The following DLG2 variants were observed in gnomAD, a reference collection of about 807,000 sequenced individuals.
The protein encoded by DLG2 is discs large MAGUK scaffold protein 2, also known as disks large homolog 2.
DLG2 carries 45 observed loss-of-function variants against 132.5 expected under a neutral mutation model. The ratio of observed to expected loss-of-function variants is 0.34; its 90% CI spans 0.27 to 0.44. The LOEUF is 0.44. Among genes scored for constraint, DLG2 ranks in the 20% least tolerant of loss-of-function variants. DLG2 has a pLI of 1.00. For synonymous variants in DLG2, 424 were observed against 419.6 expected, an observed-to-expected ratio of 1.01 and a Z score of -0.13; for missense variants, 1,045 against 1,196.9, an observed-to-expected ratio of 0.87 and a Z score of 1.87.
At chr11:83,509,848 G>C (rs1041236956) in intron 21 of DLG2, among the ~76,000 whole-genome samples, 1 of 152,110 alleles carries the variant, frequency 6.6e-6, no homozygotes, top group Non-Finnish European at 1.5e-5. Flanking sequence ...AGACCTGGGC[G>C]TAAGTTTTGG....
chr11:85,624,195 T>C (rs2081915846), intron 2 of DLG2, among the ~76,000 whole-genome samples: 1 of 152,060 alleles, frequency 6.6e-6, no homozygotes, highest in East Asian at 1.9e-4. Context: ...TAATATGGGG[T>C]TTGAGGCACA....
At chr11:84,299,214 C>T (rs927487589) in intron 7 of DLG2, among the ~76,000 whole-genome samples, 1 of 152,090 alleles carries the variant, frequency 6.6e-6, no homozygotes, top group Non-Finnish European at 1.5e-5. Flanking sequence ...TCAGATTACA[C>T]TTAAAGTGAA....
chr11:84,772,974 T>A (rs2069689900), intron 6 of DLG2, among the ~76,000 whole-genome samples: 1 of 150,770 alleles, frequency 6.6e-6, no homozygotes, highest in Non-Finnish European at 1.5e-5. Flanking sequence ...TAACCCAAAA[T>A]CCACACAAAG....
chr11:83,925,948 A>C (rs1220326414), intron 15 of DLG2, among the ~76,000 whole-genome samples: 5 of 152,116 alleles, frequency 3.3e-5, no homozygotes, highest in African/African-American at 1.2e-4. Context: ...AGTCCCATAG[A>C]AATCCTATTT....
At chr11:84,592,642 C>T (rs910227837) in intron 6 of DLG2, among the ~76,000 whole-genome samples, 15 of 151,976 alleles carry the variant, frequency 9.9e-5, no homozygotes, top group African/African-American at 3.4e-4. Flanking sequence ...ATAACCCCAT[C>T]AGAAAGTGGG....
In DLG2 at chr11:84,285,425, A is replaced by G. The variant is rs373696261; in HGVS notation, c.520-34134T>C. Among the ~76,000 whole-genome samples, 65 of 152,200 alleles carry G rather than the reference A, an allele frequency of 4.3e-4. 1 individual carries two copies. In the South Asian group the frequency reaches 0.013, roughly 30 times the overall value. Reference sequence around the variant, plus strand: ...CTAGCCCCACAGGCCCTCTTCCATTATTTAGGATATAATACATCCCATTCT... The same window carrying G: ...CTAGCCCCACAGGCCCTCTTCCATTGTTTAGGATATAATACATCCCATTCT... On this transcript the variant is annotated intron_variant, in intron 7 of 27. Coordinates refer to ENST00000376104, the MANE Select transcript of DLG2 (RefSeq NM_001142699.3).
At chr11:85,194,154 ACTTTC>A (rs2080854829) in intron 4 of DLG2, among the ~76,000 whole-genome samples, 1 of 152,216 alleles carries the variant, frequency 6.6e-6, no homozygotes, top group Non-Finnish European at 1.5e-5. Context: ...ACTCCTGGCT[ACTTTC>A]CTCCCAACTG....
At chr11:84,274,409 A>C (rs755601822) in intron 7 of DLG2, among the ~76,000 whole-genome samples, 2 of 152,248 alleles carry the variant, frequency 1.3e-5, no homozygotes, top group Non-Finnish European at 2.9e-5. Flanking sequence ...CTCACAGCAT[A>C]ATAAATTATG....
chr11:84,047,645 G>A (rs947687866), intron 11 of DLG2, among the ~76,000 whole-genome samples: 1 of 151,494 alleles, frequency 6.6e-6, no homozygotes, highest in Non-Finnish European at 1.5e-5. Context: ...ATTTAAATCT[G>A]AAATTTTCAT....
intron 5 of DLG2, among the ~76,000 whole-genome samples, chr11:85,148,230 T>G (rs1213265680): frequency 6.6e-6 from 1 of 152,208 alleles, no homozygotes; most frequent in African/African-American, 2.4e-5. Flanking sequence ...GCATGTATCT[T>G]TATAACGGAA....
At chr11:83,793,884 A>G (rs1341290313) in intron 17 of DLG2, among the ~76,000 whole-genome samples, 6 of 152,214 alleles carry the variant, frequency 3.9e-5, no homozygotes, top group African/African-American at 1.2e-4. Context: ...TAGTTACTTC[A>G]TGCTTTTTTT....
At chr11:83,606,233 T>C (rs557832013) in intron 19 of DLG2, among the ~76,000 whole-genome samples, 6 of 152,324 alleles carry the variant, frequency 3.9e-5, no homozygotes, top group Middle Eastern at 6.8e-3. Flanking sequence ...TACTAGCATA[T>C]ATGCTAATAT....
intron 6 of DLG2, among the ~76,000 whole-genome samples, chr11:84,950,100 A>G (rs1207493252): frequency 6.6e-6 from 1 of 152,184 alleles, no homozygotes; most frequent in Non-Finnish European, 1.5e-5. Flanking sequence ...ACGTCCAACT[A>G]ATATATTCTG....
intron 7 of DLG2, among the ~76,000 whole-genome samples, chr11:84,258,739 A>AT (rs1464873392): frequency 6.6e-6 from 1 of 151,720 alleles, no homozygotes; most frequent in Middle Eastern, 3.2e-3. Context: ...CCAACATTTG[A>AT]TTTTTTTTGC....
chr11:83,646,204 T>G (rs1324954178), intron 18 of DLG2, among the ~76,000 whole-genome samples: 2 of 152,132 alleles, frequency 1.3e-5, no homozygotes, highest in Admixed American at 6.6e-5. Flanking sequence ...AAAGAACACC[T>G]TTCAGACAAA....
chr11:85,374,203 G>GATAATTCTT (rs1438973642), intron 3 of DLG2, among the ~76,000 whole-genome samples: 11 of 152,226 alleles, frequency 7.2e-5, no homozygotes, highest in African/African-American at 2.2e-4. Flanking sequence ...AGTAAAAACT[G>GATAATTCTT]ATAATTCTTA....
At chr11:83,620,741 G>T (rs963494730) in intron 19 of DLG2, among the ~76,000 whole-genome samples, 2 of 149,982 alleles carry the variant, frequency 1.3e-5, no homozygotes, top group Admixed American at 6.6e-5. Context: ...GTAGTGGCGG[G>T]CGCCTGTAGT....
intron 6 of DLG2, among the ~76,000 whole-genome samples, chr11:84,708,950 C>A (rs1168966288): frequency 6.6e-6 from 1 of 151,816 alleles, no homozygotes; most frequent in Non-Finnish European, 1.5e-5. Flanking sequence ...TTTTCTCAGG[C>A]AGCAGATGTT....
At chr11:83,669,925 A>G (rs868136580) in intron 18 of DLG2, among the ~76,000 whole-genome samples, 3 of 152,240 alleles carry the variant, frequency 2.0e-5, no homozygotes, top group Admixed American at 6.5e-5. Flanking sequence ...AGAGGGAAAG[A>G]TAGTTTAAAA....
Sources: gnomAD v4.1 joint callset for allele counts (sites outside exome capture counted in the v4.1 genomes callset) on GRCh38, gnomAD v4.1.1 for gene constraint, MANE v1.5 for transcripts, NCBI Gene and HGNC (gene_info 2026-07-23, HGNC 2026-07-21) for gene names.